Variants in NRG1 observed in about 807,000 individuals in gnomAD.
The protein encoded by NRG1 is pro-neuregulin-1, membrane-bound isoform.
A neutral mutation model predicts 63.8 loss-of-function variants in NRG1; 18 were observed. That is an observed-to-expected ratio of 0.28 (90% CI 0.19 to 0.42). The LOEUF is 0.42. NRG1 is among the 10% of genes least tolerant of loss of function. NRG1 has a pLI of 1.00. For missense variants in NRG1, 762 were observed against 814.7 expected (o/e 0.94, Z 0.79); for synonymous variants, 302 against 301.3 (o/e 1.00, Z -0.02).
At chr8:32,373,392 T>A (rs953310963) in intron 1 of NRG1, among the ~76,000 whole-genome samples, 1 of 152,238 alleles carries the variant, frequency 6.6e-6, no homozygotes, top group African/African-American at 2.4e-5. Context: ...ATCTTTCAAA[T>A]GTCCCAGCTC....
intron 1 of NRG1, among the ~76,000 whole-genome samples, chr8:32,039,379 TAGA>T (rs1273404231): frequency 3.9e-5 from 6 of 152,158 alleles, no homozygotes; most frequent in Admixed American, 3.9e-4. Flanking sequence ...ATAGGGCCAA[TAGA>T]GGAGGAGGCA....
intron 1 of NRG1, among the ~76,000 whole-genome samples, chr8:31,900,238 C>G (rs936779830): frequency 6.6e-6 from 1 of 152,166 alleles, no homozygotes; most frequent in African/African-American, 2.4e-5. Context: ...AACATTCACA[C>G]TGTCATCCTA....
intron 1 of NRG1, among the ~76,000 whole-genome samples, chr8:31,987,273 C>T (rs1400554100): frequency 7.2e-6 from 1 of 139,246 alleles, no homozygotes; most frequent in African/African-American, 2.8e-5. Flanking sequence ...GCACTCCAGT[C>T]TGGTGACAGA....
chr8:32,594,617 T>C (rs1330008866), intron 1 of NRG1, among the ~76,000 whole-genome samples: 1 of 152,188 alleles, frequency 6.6e-6, no homozygotes, highest in East Asian at 1.9e-4. Flanking sequence ...ACCATATTAT[T>C]TTGAAGCAAA....
intron 1 of NRG1, among the ~76,000 whole-genome samples, chr8:32,365,366 C>A (rs1807820841): frequency 6.6e-6 from 1 of 151,264 alleles, no homozygotes; most frequent in African/African-American, 2.4e-5. Context: ...CTTTATTTGG[C>A]TTTTTTTTGG....
chr8:32,102,283 G>A (rs1036944313), intron 1 of NRG1, among the ~76,000 whole-genome samples: 17 of 152,050 alleles, frequency 1.1e-4, no homozygotes, highest in Non-Finnish European at 2.4e-4. Context: ...GACTACAGGC[G>A]TGTGCCACCA....
chr8:32,189,252 G>A (rs1842254743), intron 1 of NRG1, among the ~76,000 whole-genome samples: 1 of 151,982 alleles, frequency 6.6e-6, no homozygotes, highest in South Asian at 2.1e-4. Flanking sequence ...CCCCTCAGTA[G>A]TCCCCAGTGT....
intron 1 of NRG1, among the ~76,000 whole-genome samples, chr8:31,922,018 T>C (rs1833963412): frequency 6.6e-6 from 1 of 152,186 alleles, no homozygotes; most frequent in African/African-American, 2.4e-5. Flanking sequence ...CCTAAGTGAT[T>C]CAAGCAGCAA....
intron 1 of NRG1, among the ~76,000 whole-genome samples, chr8:32,206,661 A>G (rs2132340192): frequency 6.6e-6 from 1 of 152,330 alleles, no homozygotes; most frequent in African/African-American, 2.4e-5. Flanking sequence ...TTATAGATTT[A>G]GGGGGTACAA....
intron 1 of NRG1, 77 bp downstream of exon 1, chr8:32,548,903 G>GCCTCTCCCTCCC (rs1833519351): frequency 6.8e-7 from 1 of 1,466,614 alleles, no homozygotes; most frequent in Non-Finnish European, 9.0e-7. Flanking sequence ...GGATGCCGTG[G>GCCTCTCCCTCCC]CCTCTCCCTC....
At chr8:32,736,084 C>A (rs576927789) in intron 6 of NRG1, among the ~76,000 whole-genome samples, 1 of 151,914 alleles carries the variant, frequency 6.6e-6, no homozygotes, top group Non-Finnish European at 1.5e-5. Context: ...GGAAACATTA[C>A]TGGAACATTT....
intron 1 of NRG1, among the ~76,000 whole-genome samples, chr8:31,912,642 T>C (rs756266): frequency 0.24 from 35,957 of 149,138 alleles, 5,649 homozygotes; most frequent in East Asian, 0.69. Context: ...ATTCAGGAGA[T>C]GTTCTTTGTA....
chr8:32,090,348 C>CT (rs1230189890), intron 1 of NRG1, among the ~76,000 whole-genome samples: 1 of 152,112 alleles, frequency 6.6e-6, no homozygotes, highest in Non-Finnish European at 1.5e-5. Flanking sequence ...TTTAATATGT[C>CT]TTAGGAAAAG....
chr8:32,366,687 A>G (rs769236960), intron 1 of NRG1, among the ~76,000 whole-genome samples: 772 of 36,918 alleles, frequency 0.021, 17 homozygotes, highest in East Asian at 0.18. Flanking sequence ...GTATATATAT[A>G]TATATATATA....
chr8:32,160,838 A>G (rs1410283644), intron 1 of NRG1, among the ~76,000 whole-genome samples: 1 of 152,214 alleles, frequency 6.6e-6, no homozygotes, highest in East Asian at 1.9e-4. Flanking sequence ...ACAAGCACTT[A>G]AAGAGAGATG....
intron 1 of NRG1, among the ~76,000 whole-genome samples, chr8:31,658,314 C>A (rs1412886603): frequency 6.6e-6 from 1 of 152,200 alleles, no homozygotes; most frequent in African/African-American, 2.4e-5. Flanking sequence ...TTCTACCTCT[C>A]ACTCTGTACT....
At chr8:32,428,354 TTC>T (rs1554538809) in intron 1 of NRG1, among the ~76,000 whole-genome samples, 4 of 151,910 alleles carry the variant, frequency 2.6e-5, no homozygotes, top group Non-Finnish European at 5.9e-5. Context: ...TTTTTTTTTT[TTC>T]TTCCTTACAG....
intron 1 of NRG1, among the ~76,000 whole-genome samples, chr8:32,305,522 G>A (rs893699082): frequency 3.9e-5 from 6 of 152,278 alleles, no homozygotes; most frequent in South Asian, 4.1e-4. Context: ...TTAAAGAGAA[G>A]TAGACAAATA....
intron 5 of NRG1, among the ~76,000 whole-genome samples, chr8:32,624,922 G>C (rs1848953158): frequency 1.3e-5 from 2 of 152,118 alleles, no homozygotes; most frequent in Admixed American, 1.3e-4. Context: ...ATGTTGATTA[G>C]GGTTTGGGTG....
Sources: allele counts gnomAD v4.1 joint callset (sites outside exome capture counted in the v4.1 genomes callset), GRCh38; gene constraint gnomAD v4.1.1; transcripts MANE v1.5; gene names NCBI Gene and HGNC (gene_info 2026-07-23, HGNC 2026-07-21).